Variants in NBAS observed in about 807,000 individuals in gnomAD.
The protein encoded by NBAS is NBAS subunit of NRZ tethering complex.
NBAS carries 219 observed loss-of-function variants against 302.5 expected under a neutral mutation model. That is an observed-to-expected ratio of 0.72 (90% CI 0.65 to 0.81). The LOEUF (loss-of-function observed/expected upper bound fraction) is 0.81. Ranked by LOEUF, NBAS falls within the 30% of genes least tolerant of loss-of-function variation. NBAS has a pLI of 0.00. For missense variants in NBAS, 2,932 were observed against 2,841.6 expected, an observed-to-expected ratio of 1.03 and a Z score of -0.72; for synonymous variants, 1,118 against 1,021.6, an observed-to-expected ratio of 1.09 and a Z score of -1.80.
the NBAS span, among the ~76,000 whole-genome samples, chr2:15,042,218 T>A: frequency 6.6e-6 from 1 of 152,200 alleles, no homozygotes; most frequent in Non-Finnish European, 1.5e-5. Context: ...TCTCTGCCTG[T>A]AAGTGCGTAA....
At chr2:15,545,202 G>A (rs1300078790) in intron 6 of NBAS, among the ~76,000 whole-genome samples, 2 of 152,196 alleles carry the variant, frequency 1.3e-5, no homozygotes, top group East Asian at 3.9e-4. Context: ...ACAAAAAGAT[G>A]CTTATATTAG....
the NBAS span, among the ~76,000 whole-genome samples, chr2:14,894,281 C>A: frequency 1.2e-4 from 19 of 152,248 alleles, no homozygotes; most frequent in South Asian, 3.5e-3. Context: ...GAGGCAGAGG[C>A]TTCCCGATGA....
the NBAS span, among the ~76,000 whole-genome samples, chr2:14,818,645 A>T: frequency 6.6e-6 from 1 of 152,208 alleles, no homozygotes. Flanking sequence ...CATTTTGATT[A>T]ATTTGCGACA....
At chr2:15,474,579 T>TTCTTC (rs1680108261) in intron 14 of NBAS, among the ~76,000 whole-genome samples, 2 of 125,376 alleles carry the variant, frequency 1.6e-5, no homozygotes, top group African/African-American at 3.2e-5. Flanking sequence ...TCTTCTTCTT[T>TTCTTC]GAGATGGAGC....
chr2:15,328,336 C>G (rs1165090682), intron 36 of NBAS, 24 bp from the exon 37 acceptor site: 4 of 1,574,170 alleles, frequency 2.5e-6, no homozygotes, highest in Non-Finnish European at 3.5e-6. Flanking sequence ...AAGTACAGAA[C>G]AATGGATAAA....
At chr2:15,488,835 A>C (rs1680740493) in intron 12 of NBAS, 59 bp downstream of exon 12, 8 of 1,596,256 alleles carry the variant, frequency 5.0e-6, no homozygotes, top group Non-Finnish European at 6.9e-6. Context: ...ATAAAATAAA[A>C]TTAGTATTGT....
chr2:14,827,177 C>T, the NBAS span, among the ~76,000 whole-genome samples: 24 of 152,294 alleles, frequency 1.6e-4, no homozygotes, highest in Admixed American at 7.2e-4. Flanking sequence ...ATTTGAACCA[C>T]CACAGAGCAA....
intron 38 of NBAS, among the ~76,000 whole-genome samples, chr2:15,315,761 A>T (rs1464997905): frequency 6.6e-6 from 1 of 152,188 alleles, no homozygotes; most frequent in Admixed American, 6.5e-5. Flanking sequence ...TTTTTCTCCC[A>T]CACAATAATC....
intron 1 of NBAS, among the ~76,000 whole-genome samples, chr2:15,559,685 T>G (rs1185167305): frequency 6.6e-6 from 1 of 152,184 alleles, no homozygotes; most frequent in Admixed American, 6.5e-5. Context: ...ATCAACAGAA[T>G]GCAGAAATCG....
chr2:15,118,070 T>C, the NBAS span, among the ~76,000 whole-genome samples: 218 of 152,320 alleles, frequency 1.4e-3, no homozygotes, highest in African/African-American at 4.5e-3. Context: ...AGAAACAATT[T>C]GTTATTGACT....
chr2:15,013,600 A>G, the NBAS span, among the ~76,000 whole-genome samples: 1 of 152,070 alleles, frequency 6.6e-6, no homozygotes, highest in African/African-American at 2.4e-5. Context: ...TCTAGCCAAC[A>G]TGATGGACCC....
At chr2:14,881,938 T>C in the NBAS span, among the ~76,000 whole-genome samples, 5,942 of 152,072 alleles carry the variant, frequency 0.039, 389 homozygotes, top group African/African-American at 0.13. Context: ...AGAGTAAATA[T>C]AACAGTAAAT....
chr2:15,462,687 C>T, intron 19 of NBAS, among the ~76,000 whole-genome samples: 1 of 152,052 alleles, frequency 6.6e-6, no homozygotes, highest in East Asian at 1.9e-4. Flanking sequence ...AAGTTGGCAA[C>T]TATGGCATGT....
intron 14 of NBAS, among the ~76,000 whole-genome samples, chr2:15,475,188 C>A (rs1294539106): frequency 6.6e-6 from 1 of 152,158 alleles, no homozygotes; most frequent in Non-Finnish European, 1.5e-5. Context: ...TGTCAATCTG[C>A]ATTGCTGAAG....
the NBAS span, among the ~76,000 whole-genome samples, chr2:14,883,910 A>G: frequency 1.3e-5 from 2 of 151,840 alleles, no homozygotes; most frequent in African/African-American, 2.4e-5. Flanking sequence ...GCAGTGAACC[A>G]TCAGTGAACC....
At chr2:15,442,265 C>T (rs1453758821) in intron 21 of NBAS, among the ~76,000 whole-genome samples, 1 of 132,178 alleles carries the variant, frequency 7.6e-6, no homozygotes, top group Non-Finnish European at 1.7e-5. Context: ...AAGCATTCCT[C>T]AGCAAATGTA....
the NBAS span, among the ~76,000 whole-genome samples, chr2:14,981,597 TG>T: frequency 6.6e-6 from 1 of 152,212 alleles, no homozygotes; most frequent in East Asian, 1.9e-4. Flanking sequence ...TAGCCCTCTT[TG>T]TATCTGGGCT....
At chr2:15,221,942 A>G (rs939975207) in intron 47 of NBAS, among the ~76,000 whole-genome samples, 1 of 152,208 alleles carries the variant, frequency 6.6e-6, no homozygotes, top group African/African-American at 2.4e-5. Flanking sequence ...CACTGCCCAC[A>G]TTTGCCACTT....
chr2:14,956,145 T>G, the NBAS span, among the ~76,000 whole-genome samples: 1 of 152,326 alleles, frequency 6.6e-6, no homozygotes, highest in East Asian at 1.9e-4. Context: ...GTCACCAGTC[T>G]CTTTGCAAAA....
Sources: allele counts gnomAD v4.1 joint callset (sites outside exome capture counted in the v4.1 genomes callset), GRCh38; gene constraint gnomAD v4.1.1; transcripts MANE v1.5; gene names NCBI Gene and HGNC (gene_info 2026-07-23, HGNC 2026-07-21).